The following CCDC18 variants were observed in gnomAD, a reference collection of about 807,000 sequenced individuals.
CCDC18 encodes the protein coiled-coil domain-containing protein 18.
A neutral mutation model predicts 196.0 loss-of-function variants in CCDC18; 157 were observed. The ratio of observed to expected loss-of-function variants is 0.80; its 90% CI spans 0.70 to 0.91. The LOEUF is 0.91. CCDC18 is among the 40% of genes least tolerant of loss of function. The pLI is 0.00. For missense variants in CCDC18, 1,465 were observed against 1,611.6 expected (o/e 0.91, Z 1.56); for synonymous variants, 482 against 529.2 (o/e 0.91, Z 1.22).
At chr1:93,254,157 T>G (rs1331046194) in intron 23 of CCDC18, among the ~76,000 whole-genome samples, 1 of 152,206 alleles carries the variant, frequency 6.6e-6, no homozygotes, top group Non-Finnish European at 1.5e-5. Context: ...TTTATTTTAA[T>G]TTTTTAAATT....
Position 93,184,071 on chromosome 1 carries a change from G to T in CCDC18, c.228G>T (p.Leu76Phe). 6.3e-7 allele frequency: 1 copy of T among 1,587,012 alleles called. No homozygotes were observed. The highest frequency in any genetic ancestry group is 2.3e-5 in the East Asian group (1 of 44,212). Residue 76 changes from leucine (L) to phenylalanine (F), a missense_variant, in exon 3 of 29, where the codon TTG becomes TTT. Transcript: ENST00000690025. ...TTCAGCCTAGCCACCCTGGACTTTT[G>T]AATTATTCACCTTATGAAAACGTCT... Reference protein sequence around the residue: ...LDVQPSHPGLLNYSPYENVCK... With the variant: ...LDVQPSHPGLFNYSPYENVCK...
At chr1:93,181,480 C>T (rs916036779) in intron 1 of CCDC18, among the ~76,000 whole-genome samples, 3 of 152,082 alleles carry the variant, frequency 2.0e-5, no homozygotes, top group African/African-American at 7.2e-5. Context: ...TATGCATAGT[C>T]AGTGAAGATA....
upstream of CCDC18, chr1:93,180,035 G>C (rs1571294458): frequency 6.2e-7 from 1 of 1,608,246 alleles, no homozygotes; most frequent in African/African-American, 1.3e-5. Context: ...AAGGAGGCTG[G>C]TTTATCCTCC....
At chr1:93,196,409 AGAATAG>A (rs1652739536) in intron 6 of CCDC18, among the ~76,000 whole-genome samples, 1 of 152,224 alleles carries the variant, frequency 6.6e-6, no homozygotes, top group Non-Finnish European at 1.5e-5. Context: ...AGGATCACAC[AGAATAG>A]ACTTCAGTGC....
intron 27 of CCDC18, 75 bp downstream of exon 27, chr1:93,264,976 GT>G (rs1664304803): frequency 2.0e-6 from 2 of 1,023,168 alleles, no homozygotes; most frequent in Non-Finnish European, 3.0e-6. Flanking sequence ...TGTCTTAGTA[GT>G]TTATAGAGGA....
In CCDC18 at chr1:93,270,631, A is replaced by C; in HGVS notation, c.4170A>C (p.Glu1390Asp). ...AATTAGAACAGCCTTCAACATTAGA[A>C]GAAAGCCATAAGAATCTGACTTACA... is the stretch of plus-strand genomic sequence containing the variant. ...KMQLEQPSTL[E>D]ESHKNLTYTQ... Residue 1390 changes from glutamate (E) to aspartate (D), a missense_variant, in exon 28 of 29, where the codon GAA becomes GAC. Coordinates refer to ENST00000690025, the MANE Select transcript of CCDC18 (RefSeq NM_001378204.1). The C allele has an allele frequency of 6.4e-7, 1 of 1,550,452 alleles. No individual in the cohort carries two copies. Among genetic ancestry groups the C allele is most frequent in the Non-Finnish European group, 8.7e-7 (1 of 1,146,902 alleles).
At chr1:93,224,331 T>A (rs1459584897) in intron 16 of CCDC18, among the ~76,000 whole-genome samples, 2 of 152,204 alleles carry the variant, frequency 1.3e-5, no homozygotes, top group Admixed American at 1.3e-4. Flanking sequence ...GCATCTCCTG[T>A]GAACAGAGAA....
chr1:93,201,952 A>C lies in CCDC18; in HGVS notation c.759A>C (p.Gln253His), dbSNP rs1653907558. Residue 253 changes from glutamine to histidine, a missense_variant, in exon 7 of 29, where the codon CAA (glutamine) becomes CAC (histidine). Physicochemically the swap from Gln to His is conservative, Grantham distance 24. Coordinates refer to ENST00000690025, the MANE Select transcript of CCDC18 (RefSeq NM_001378204.1). The part of the protein sequence containing the change: ...YNAEELSKAF[Q>H]QYKKKVAEKL... ...CCGAAGAGCTGAGTAAAGCTTTCCA[A>C]CAATATAAAAAAAAAGTGGCTGAAA... 1 of 1,610,436 alleles carries C rather than the reference A, an allele frequency of 6.2e-7. No individual in the cohort carries two copies. The highest frequency in any genetic ancestry group is 8.5e-7 in the Non-Finnish European group (1 of 1,178,464).
Position 93,214,982 on chromosome 1 carries a change from G to C in CCDC18, c.1719+16G>C. 1 of 1,521,660 alleles carries C rather than the reference G, an allele frequency of 6.6e-7. No homozygotes were observed. Among genetic ancestry groups the C allele is most frequent in the African/African-American group, 1.4e-5 (1 of 72,890 alleles). 94.3% of individuals were successfully genotyped at this position (1,521,660 alleles called of 1,614,324 possible). On this transcript the variant is annotated intron_variant, in intron 12 of 28. Transcript: ENST00000690025. ...GGAAAGTGAAGTAAGCTTGGAATTA[G>C]CTTGGTATATATGTTAATTTTTGAA...
chr1:93,254,587 A>G lies in CCDC18; in HGVS notation c.3315A>G (p.Thr1105=), dbSNP rs767561513. 1 of 1,611,090 alleles carries G rather than the reference A, an allele frequency of 6.2e-7. No homozygotes were observed. Among genetic ancestry groups the G allele is most frequent in the Admixed American group, 1.7e-5 (1 of 59,246 alleles). ...AACTGAAAAAAGAAATTGAAAGAAC[A>G]CAACAAAGGATGAAAGAAATGGAGA... The part of the protein sequence containing the change: ...ISQLKKEIER[T]QQRMKEMESV... Residue 1105 remains threonine (T), a synonymous_variant, in exon 24 of 29, where the codon ACA becomes ACG. Transcript: ENST00000690025.
intron 14 of CCDC18, among the ~76,000 whole-genome samples, chr1:93,219,877 C>T (rs906412999): frequency 6.6e-6 from 1 of 151,474 alleles, no homozygotes; most frequent in Non-Finnish European, 1.5e-5. Context: ...ATTTTTTTTC[C>T]AAGAAAAGAA....
At position 93,264,909 on chromosome 1, in the gene CCDC18, A is replaced by C. The variant is rs1276900518; in HGVS notation, c.3885+8A>C. On this transcript the variant is annotated splice_region_variant and intron_variant, in intron 27 of 28. Coordinates refer to ENST00000690025, the MANE Select transcript of CCDC18 (RefSeq NM_001378204.1). Reference sequence around the variant, plus strand: ...GAAGCATTACTTACTAAAGTAAGTAAACATATAAAAGTAATAAAGCATATC... The same window carrying C: ...GAAGCATTACTTACTAAAGTAAGTACACATATAAAAGTAATAAAGCATATC... 1 of 1,557,120 alleles carries C rather than the reference A, an allele frequency of 6.4e-7. No individual in the cohort carries two copies. Among genetic ancestry groups the C allele is most frequent in the Non-Finnish European group, 8.9e-7 (1 of 1,128,712 alleles).
intron 27 of CCDC18, among the ~76,000 whole-genome samples, chr1:93,268,337 AGG>A (rs1256306440): frequency 2.6e-5 from 4 of 152,218 alleles, no homozygotes; most frequent in African/African-American, 9.6e-5. Flanking sequence ...AAGAAAACCT[AGG>A]CAATACCATT....
chr1:93,278,346 G>A (rs991210121), intron 28 of CCDC18, 117 bp from the exon 29 acceptor site: 1 of 401,644 alleles, frequency 2.5e-6, no homozygotes, highest in African/African-American at 2.1e-5. Context: ...TTTTTCAGTA[G>A]ACTAAATATT....
chr1:93,222,350 A>G (rs1657570099), intron 16 of CCDC18, among the ~76,000 whole-genome samples: 1 of 152,094 alleles, frequency 6.6e-6, no homozygotes, highest in African/African-American at 2.4e-5. Flanking sequence ...TTTTGTCTTA[A>G]AACAGTTTTT....
At chr1:93,265,505 T>C (rs185370339) in intron 27 of CCDC18, among the ~76,000 whole-genome samples, 80 of 152,356 alleles carry the variant, frequency 5.3e-4, no homozygotes, top group African/African-American at 1.7e-3. Flanking sequence ...ATATCAATTA[T>C]GGCTAGATAA....
At chr1:93,208,782 T>G (rs1655140114) in intron 9 of CCDC18, among the ~76,000 whole-genome samples, 1 of 152,146 alleles carries the variant, frequency 6.6e-6, no homozygotes, top group Non-Finnish European at 1.5e-5. Context: ...TTTTCCTGCC[T>G]TATCCTCCCA....
intron 25 of CCDC18, among the ~76,000 whole-genome samples, chr1:93,258,209 G>T (rs1013721950): frequency 6.6e-6 from 1 of 151,702 alleles, no homozygotes; most frequent in African/African-American, 2.4e-5. Context: ...TTTCTAATTG[G>T]ATAGCAAAAT....
intron 6 of CCDC18, among the ~76,000 whole-genome samples, chr1:93,196,469 A>C (rs1652750490): frequency 6.6e-6 from 1 of 152,224 alleles, no homozygotes; most frequent in Non-Finnish European, 1.5e-5. Flanking sequence ...AATGTTTAAC[A>C]CTTAACCAAG....
Sources: gnomAD v4.1 joint callset for allele counts (sites outside exome capture counted in the v4.1 genomes callset) on GRCh38, gnomAD v4.1.1 for gene constraint, MANE v1.5 for transcripts, NCBI Gene and HGNC (gene_info 2026-07-23, HGNC 2026-07-21) for gene names.